Variants in APC observed in about 807,000 individuals in gnomAD.
APC encodes APC regulator of Wnt signaling pathway.
APC carries 72 observed loss-of-function variants against 247.0 expected under a neutral mutation model. The observed-to-expected ratio is 0.29, with a 90% CI of 0.24 to 0.35. The LOEUF (loss-of-function observed/expected upper bound fraction) is 0.35. Among genes scored for constraint, APC ranks in the 10% least tolerant of loss-of-function variants. APC has a pLI of 1.00. For synonymous variants in APC, 1,254 were observed against 1,162.5 expected, an observed-to-expected ratio of 1.08 and a Z score of -1.60; for missense variants, 3,400 against 3,360.7, an observed-to-expected ratio of 1.01 and a Z score of -0.29.
At chr5:112,710,851 G>T (rs1750808120) in intron 1 of APC, among the ~76,000 whole-genome samples, 2 of 152,192 alleles carry the variant, frequency 1.3e-5, no homozygotes, top group Non-Finnish European at 2.9e-5. Context: ...TTAGCTCACA[G>T]GGTGGTGGTT....
intron 1 of APC, among the ~76,000 whole-genome samples, chr5:112,709,006 A>G (rs1223584055): frequency 2.6e-5 from 4 of 152,184 alleles, no homozygotes; most frequent in Middle Eastern, 3.2e-3. Flanking sequence ...CTTTCCCTGG[A>G]TGGAAGGGTT....
intron 15 of APC, 133 bp downstream of exon 15, chr5:112,835,298 A>G (rs1764764257): frequency 7.5e-6 from 6 of 802,638 alleles, no homozygotes; most frequent in Admixed American, 6.7e-5. Context: ...AAAGATAACT[A>G]CTAACTCTTA....
chr5:112,805,829 C>T (rs919409528), intron 8 of APC, among the ~76,000 whole-genome samples: 2 of 152,226 alleles, frequency 1.3e-5, no homozygotes, highest in Non-Finnish European at 2.9e-5. Flanking sequence ...TTCACCACCA[C>T]GTGGGAATGT....
At chr5:112,777,068 T>A (rs980342743) in intron 5 of APC, among the ~76,000 whole-genome samples, 3 of 152,198 alleles carry the variant, frequency 2.0e-5, no homozygotes, top group Non-Finnish European at 4.4e-5. Context: ...TTATCCAATT[T>A]AAATTGTCCA....
intron 9 of APC, among the ~76,000 whole-genome samples, chr5:112,816,682 A>G (rs75337840): frequency 2.0e-5 from 3 of 151,114 alleles, no homozygotes. Context: ...AATCCCAGCT[A>G]CTCGGGAGGC....
rs566268463 is a variant in APC, at chr5:112,807,485, A to G, written c.834+6102A>G. ...TACTTTGAGATATCTTTTCCTATCT[A>G]TATGTGGTTTATAGATATGGAAGTT... is the stretch of plus-strand genomic sequence containing the variant. On this transcript the variant is annotated intron_variant, in intron 8 of 15. Coordinates refer to ENST00000257430, the MANE Select transcript of APC (RefSeq NM_000038.6). Among the ~76,000 whole-genome samples the G allele has an allele frequency of 8.2e-4, 125 of 152,070 alleles. 1 individual carries two copies. The highest frequency in any genetic ancestry group is 2.8e-3 in the African/African-American group (117 of 41,492).
At chr5:112,740,514 G>GTTTTTTTTTTTTTT (rs753887168) in intron 1 of APC, among the ~76,000 whole-genome samples, 1 of 122,184 alleles carries the variant, frequency 8.2e-6, no homozygotes, top group Non-Finnish European at 1.7e-5. Context: ...TGTTTTTTGT[G>GTTTTTTTTTTTTTT]TTTTTTTTTC....
chr5:112,720,715 A>G (rs578195731), intron 1 of APC, among the ~76,000 whole-genome samples: 4 of 152,346 alleles, frequency 2.6e-5, no homozygotes, highest in Non-Finnish European at 5.9e-5. Context: ...TGGGAAGGCA[A>G]ACTTTCCAGG....
chr5:112,709,285 A>T (rs367630669), intron 1 of APC, among the ~76,000 whole-genome samples: 54 of 152,300 alleles, frequency 3.5e-4, no homozygotes, highest in South Asian at 1.7e-3. Flanking sequence ...CATAACACAT[A>T]ATCTATTTTT....
chr5:112,839,358 A>G lies in APC; in HGVS notation c.3764A>G (p.Asn1255Ser). 1 of 1,613,238 alleles carries G rather than the reference A, an allele frequency of 6.2e-7. No individual in the cohort carries two copies. Among genetic ancestry groups the G allele is most frequent in the Non-Finnish European group, 8.5e-7 (1 of 1,179,548 alleles). The change falls in exon 16 of 16, where the codon AAC becomes AGC. Residue 1255 changes from asparagine (N) to serine (S), a missense_variant. By Grantham distance (46) the Asn-to-Ser change is conservative. Coordinates refer to ENST00000257430, the MANE Select transcript of APC (RefSeq NM_000038.6). The surrounding 1 kb of genome is among the most constrained non-coding windows in gnomAD (Gnocchi z 5.0). The stretch of plus-strand genomic sequence containing the variant: ...GCCACTTGCAAAGTTTCTTCTATTA[A>G]CCAAGAAACAATACAGACTTATTGT... ...KAATCKVSSI[N>S]QETIQTYCVE...
chr5:112,753,557 A>G (rs1486691464), intron 1 of APC, among the ~76,000 whole-genome samples: 1 of 152,164 alleles, frequency 6.6e-6, no homozygotes, highest in Non-Finnish European at 1.5e-5. Context: ...TTAACACACA[A>G]GACTCAATTT....
At chr5:112,733,404 G>C (rs1752195266), upstream of APC, among the ~76,000 whole-genome samples, 7 of 152,334 alleles carry the variant, frequency 4.6e-5, no homozygotes, top group South Asian at 1.2e-3. Flanking sequence ...GGTTACTTAA[G>C]AGTGGAAGAG....
intron 2 of APC, among the ~76,000 whole-genome samples, chr5:112,763,185 G>C (rs984561029): frequency 6.6e-6 from 1 of 151,914 alleles, no homozygotes; most frequent in African/African-American, 2.4e-5. Context: ...TACAAGTTGA[G>C]TATATTCACT....
At chr5:112,812,314 C>G (rs1433374777) in intron 8 of APC, among the ~76,000 whole-genome samples, 1 of 152,138 alleles carries the variant, frequency 6.6e-6, no homozygotes, top group African/African-American at 2.4e-5. Flanking sequence ...GGTAAAGACT[C>G]ATTTCCCTTC....
upstream of APC, among the ~76,000 whole-genome samples, chr5:112,734,048 T>G (rs570413741): frequency 6.6e-6 from 1 of 152,164 alleles, no homozygotes; most frequent in African/African-American, 2.4e-5. Context: ...TATCTCCCAG[T>G]CCTGTGTGGC....
In APC at chr5:112,843,476, C is replaced by G. The variant is rs1561619003; in HGVS notation, c.7882C>G (p.Gln2628Glu). Residue 2628 changes from glutamine to glutamate, a missense_variant, in exon 16 of 16, where the codon CAG (glutamine) becomes GAG (glutamate). This residue lies in a region of APC where 1,788 missense variants were observed against 1,649.5 expected (regional missense o/e 1.08). Coordinates refer to ENST00000257430, the MANE Select transcript of APC (RefSeq NM_000038.6). The surrounding 1 kb of genome is among the most constrained non-coding windows in gnomAD (Gnocchi z 4.8). ...ATTTTCTCCCACAAATAGTACTTCT[C>G]AGACCGTTTCCTCAGGTGCTACAAA... ...NEFSPTNSTS[Q>E]TVSSGATNGA... The G allele has an allele frequency of 6.2e-7, 1 of 1,613,958 alleles. No homozygotes were observed. Among genetic ancestry groups the G allele is most frequent in the Non-Finnish European group, 8.5e-7 (1 of 1,179,850 alleles).
Position 112,739,693 on chromosome 5 carries a change from A to T in APC, c.-19+1768A>T, listed in dbSNP as rs146405810. ...AGACCAGCCTGGGCAACCAAGCAAG[A>T]CCCTATCTCAAAAAAAAGTACTTAG... On this transcript the variant is annotated intron_variant, in intron 1 of 15. Transcript: ENST00000257430. 1.8e-3 allele frequency among the ~76,000 whole-genome samples: 274 copies of T among 152,216 alleles called. 3 individuals are homozygous for T. Among genetic ancestry groups the T allele is most frequent in the Admixed American group, 0.016 (241 of 15,298 alleles).
chr5:112,777,990 A>G, intron 5 of APC: 1 of 188,132 alleles, frequency 5.3e-6, no homozygotes, highest in Non-Finnish European at 1.1e-5. Context: ...TGAACCATCT[A>G]AATTTTCTTT....
Position 112,838,205 on chromosome 5 carries a change from G to A in APC, c.2611G>A (p.Gly871Arg), listed in dbSNP as rs1554084297. The change falls in exon 16 of 16, where the codon GGA becomes AGA. Residue 871 changes from glycine to arginine, a missense_variant. Coordinates refer to ENST00000257430, the MANE Select transcript of APC (RefSeq NM_000038.6). The part of the protein sequence containing the change: ...GNYHPATENP[G>R]TSSKRGLQIS... Reference sequence around the variant, plus strand: ...CTACCATCCAGCAACAGAAAATCCAGGAACTTCTTCAAAGCGAGGTTTGCA... The same window carrying A: ...CTACCATCCAGCAACAGAAAATCCAAGAACTTCTTCAAAGCGAGGTTTGCA... 1 of 1,614,018 alleles carries A rather than the reference G, an allele frequency of 6.2e-7. No homozygotes were observed. Among genetic ancestry groups the A allele is most frequent in the Non-Finnish European group, 8.5e-7 (1 of 1,179,998 alleles).
Sources: allele counts gnomAD v4.1 joint callset (sites outside exome capture counted in the v4.1 genomes callset), GRCh38; gene constraint gnomAD v4.1.1; regional missense constraint gnomAD v4.1.1; non-coding constraint Gnocchi (gnomAD v3.1); transcripts MANE v1.5; gene names NCBI Gene and HGNC (gene_info 2026-07-23, HGNC 2026-07-21).